PVT1: variants seen among roughly 807,000 people sequenced by gnomAD.
The protein encoded by PVT1 is Pvt1 oncogene.
At chr8:127,965,517 GCA>G (rs1816693980) in intron 3 of PVT1, among the ~76,000 whole-genome samples, 2 of 152,184 alleles carry the variant, frequency 1.3e-5, no homozygotes. Flanking sequence ...CATCGTCCTG[GCA>G]CAGTCACAGA....
At chr8:128,062,953 A>G (rs1586503780) in intron 4 of PVT1, among the ~76,000 whole-genome samples, 2 of 152,204 alleles carry the variant, frequency 1.3e-5, no homozygotes, top group East Asian at 1.9e-4. Flanking sequence ...TTGATCTTGC[A>G]GTATCTGGGG....
At chr8:128,090,952 C>A (rs941662623) in intron 5 of PVT1, among the ~76,000 whole-genome samples, 2 of 152,152 alleles carry the variant, frequency 1.3e-5, no homozygotes, top group African/African-American at 4.8e-5. Flanking sequence ...TCTAGCTCCT[C>A]TATTTAAATA....
chr8:127,921,921 C>T (rs1374983026), intron 3 of PVT1, among the ~76,000 whole-genome samples: 2 of 109,350 alleles, frequency 1.8e-5, no homozygotes, highest in Non-Finnish European at 3.3e-5. Context: ...AGTGCAGTGG[C>T]GTGATCTTAG....
chr8:127,909,346 T>A (rs538777868), intron 3 of PVT1, among the ~76,000 whole-genome samples: 1 of 152,280 alleles, frequency 6.6e-6, no homozygotes, highest in Admixed American at 6.5e-5. Context: ...CAGGTGAAAC[T>A]ACAGGAAAAC....
intron 5 of PVT1, among the ~76,000 whole-genome samples, chr8:128,071,280 G>A (rs991486881): frequency 6.6e-6 from 1 of 152,200 alleles, no homozygotes; most frequent in Non-Finnish European, 1.5e-5. Context: ...CTGAGGACAG[G>A]TGCAGATGAA....
chr8:127,800,759 A>C (rs1328382598), intron 2 of PVT1, among the ~76,000 whole-genome samples: 2 of 152,178 alleles, frequency 1.3e-5, no homozygotes, highest in Non-Finnish European at 2.9e-5. Context: ...TTGGGGATGC[A>C]GAAAGGAAGA....
At chr8:127,915,612 CAAAA>C (rs61238663) in intron 3 of PVT1, among the ~76,000 whole-genome samples, 1 of 64,504 alleles carries the variant, frequency 1.6e-5, no homozygotes, top group Non-Finnish European at 3.1e-5. Context: ...AACTCCATCT[CAAAA>C]AAAAAAAAAA....
chr8:127,936,902 T>G (rs778168225), intron 3 of PVT1, among the ~76,000 whole-genome samples: 4 of 152,244 alleles, frequency 2.6e-5, no homozygotes, highest in African/African-American at 4.8e-5. Flanking sequence ...TGTCCTTGGT[T>G]GGATTCTCTA....
chr8:128,067,538 G>A (rs1176328191), intron 4 of PVT1, among the ~76,000 whole-genome samples: 3 of 152,224 alleles, frequency 2.0e-5, no homozygotes, highest in African/African-American at 7.2e-5. Context: ...GAACACACAG[G>A]ATGTCTTGGC....
intron 4 of PVT1, among the ~76,000 whole-genome samples, chr8:128,038,363 A>G (rs1159233727): frequency 2.6e-5 from 4 of 152,184 alleles, no homozygotes; most frequent in Admixed American, 1.3e-4. Flanking sequence ...AGTGATCGCC[A>G]CATGCCTGGC....
At chr8:127,970,292 T>TG in intron 3 of PVT1, among the ~76,000 whole-genome samples, 6 of 112,958 alleles carry the variant, frequency 5.3e-5, no homozygotes, top group African/African-American at 2.0e-4. Context: ...ATGATTTGTT[T>TG]TTTTTTTTTT....
chr8:128,030,245 T>C (rs1453761953), intron 4 of PVT1, among the ~76,000 whole-genome samples: 3 of 152,264 alleles, frequency 2.0e-5, no homozygotes, highest in Non-Finnish European at 4.4e-5. Context: ...TAATAGTTTA[T>C]ATGGACATAA....
chr8:127,866,457 G>A (rs1465963196), intron 2 of PVT1, among the ~76,000 whole-genome samples: 1 of 152,154 alleles, frequency 6.6e-6, no homozygotes, highest in Non-Finnish European at 1.5e-5. Flanking sequence ...TTGGATCATA[G>A]GCACTGGGAC....
chr8:128,079,936 G>A (rs570551611), intron 5 of PVT1, among the ~76,000 whole-genome samples: 1 of 152,226 alleles, frequency 6.6e-6, no homozygotes, highest in East Asian at 1.9e-4. Context: ...ATGGTAGCCA[G>A]GATGGTTTCA....
intron 3 of PVT1, among the ~76,000 whole-genome samples, chr8:127,988,805 T>A (rs1364856070): frequency 1.3e-5 from 2 of 152,142 alleles, no homozygotes; most frequent in Admixed American, 1.3e-4. Context: ...TACCTAGTAT[T>A]CTTGGAAGAA....
chr8:127,948,063 G>A, intron 3 of PVT1: 1 of 383,674 alleles, frequency 2.6e-6, no homozygotes, highest in South Asian at 2.0e-5. Flanking sequence ...TCCCAGAGAA[G>A]TAAGTTTTAG....
chr8:127,951,650 G>T (rs1435513198), intron 3 of PVT1, among the ~76,000 whole-genome samples: 15 of 152,130 alleles, frequency 9.9e-5, no homozygotes. Context: ...ATTTGTCATT[G>T]CACTGGTCCT....
chr8:127,879,300 C>T (rs763523038), intron 2 of PVT1, among the ~76,000 whole-genome samples: 3 of 151,946 alleles, frequency 2.0e-5, no homozygotes, highest in South Asian at 2.1e-4. Flanking sequence ...AGGCCAAGGC[C>T]GGGGTATCAG....
At chr8:127,911,213 G>T (rs551984223) in intron 3 of PVT1, among the ~76,000 whole-genome samples, 7 of 152,260 alleles carry the variant, frequency 4.6e-5, no homozygotes, top group African/African-American at 1.7e-4. Context: ...CCTATGTCGG[G>T]CTCCTCTTAT....
Sources: gnomAD v4.1 joint callset for allele counts (sites outside exome capture counted in the v4.1 genomes callset) on GRCh38, gnomAD v4.1.1 for gene constraint, MANE v1.5 for transcripts, NCBI Gene and HGNC (gene_info 2026-07-23, HGNC 2026-07-21) for gene names.